Variants in HERC6 observed in about 807,000 individuals in gnomAD.
HERC6 encodes the protein HECT and RLD domain containing E3 ubiquitin protein ligase family member 6.
Under a neutral mutation model 114.5 loss-of-function variants are expected in HERC6, and 101 were observed. The observed-to-expected ratio is 0.88, with a 90% CI of 0.75 to 1.04. The LOEUF (loss-of-function observed/expected upper bound fraction) is 1.04, where lower values mean the gene tolerates loss of function less well. Ranked by LOEUF, HERC6 falls within the 50% of genes least tolerant of loss-of-function variation. HERC6 has a pLI of 0.00. For missense variants in HERC6, 1,133 were observed against 1,230.9 expected (o/e 0.92, Z 1.19); for synonymous variants, 408 against 436.2 (o/e 0.94, Z 0.81).
intron 22 of HERC6, chr4:88,440,753 A>T (rs551591619): frequency 6.6e-6 from 1 of 152,424 alleles, no homozygotes; most frequent in African/African-American, 2.4e-5. Context: ...TGCCCTTTCT[A>T]TTGGTGGAGC....
intron 4 of HERC6, among the ~76,000 whole-genome samples, chr4:88,392,185 T>A (rs1734959771): frequency 6.9e-6 from 1 of 144,492 alleles, no homozygotes; most frequent in Non-Finnish European, 1.5e-5. Context: ...TTCTTTTTTC[T>A]TTTCTTTTCT....
chr4:88,427,550 T>C (rs555203701), intron 15 of HERC6, among the ~76,000 whole-genome samples: 2 of 151,718 alleles, frequency 1.3e-5, no homozygotes, highest in African/African-American at 4.8e-5. Flanking sequence ...AAAAAAAAAA[T>C]CTTAAAGAAA....
chr4:88,429,026 C>T (rs535971604), intron 16 of HERC6, among the ~76,000 whole-genome samples: 45 of 152,374 alleles, frequency 3.0e-4, no homozygotes, highest in African/African-American at 1.1e-3. Context: ...ATTTATTTTA[C>T]AGATCTGCAG....
chr4:88,424,709 A>G lies in HERC6; in HGVS notation c.1935+7A>G, dbSNP rs1395449152. ...TTCACATATAAAGATGCAGGTATGT[A>G]TGTCCTATTTTTTAGTATGAAAAAT... is the stretch of plus-strand genomic sequence containing the variant. On this transcript the variant is annotated splice_region_variant and intron_variant, in intron 15 of 22. Coordinates refer to ENST00000264346, the MANE Select transcript of HERC6 (RefSeq NM_017912.4). The G allele has an allele frequency of 6.5e-7, 1 of 1,527,258 alleles. No homozygotes were observed. The highest frequency in any genetic ancestry group is 2.3e-5 in the East Asian group (1 of 44,326). 94.6% of individuals were successfully genotyped at this position (1,527,258 alleles called of 1,614,324 possible).
intron 1 of HERC6, among the ~76,000 whole-genome samples, chr4:88,381,922 A>G (rs1450169151): frequency 6.6e-6 from 1 of 152,102 alleles, no homozygotes; most frequent in Non-Finnish European, 1.5e-5. Flanking sequence ...ACTTTTAGGT[A>G]GATAAGAAGA....
chr4:88,384,020 T>TG (rs1734453634), intron 2 of HERC6, among the ~76,000 whole-genome samples: 1 of 152,044 alleles, frequency 6.6e-6, no homozygotes, highest in Admixed American at 6.6e-5. Flanking sequence ...CTGCAAAAGA[T>TG]ACAGATATAA....
intron 13 of HERC6, among the ~76,000 whole-genome samples, chr4:88,420,740 T>C (rs1414391120): frequency 6.6e-6 from 1 of 152,106 alleles, no homozygotes; most frequent in African/African-American, 2.4e-5. Flanking sequence ...GAGACCAGCC[T>C]GGGCAACATA....
In HERC6 at chr4:88,398,928, T is replaced by C. The variant is rs527288877; in HGVS notation, c.1092+719T>C. The C allele has an allele frequency of 2.8e-4, 42 of 152,334 alleles. 2 individuals are homozygous for C. Among genetic ancestry groups the C allele is most frequent in the African/African-American group, 1.0e-3 (42 of 41,572 alleles). 9.4% of individuals were successfully genotyped at this position (152,334 alleles called of 1,614,324 possible). A position where few individuals can be genotyped will look rare whatever the true frequency, so the allele number is the denominator to read the frequency against. On this transcript the variant is annotated intron_variant, in intron 8 of 22. Coordinates refer to ENST00000264346, the MANE Select transcript of HERC6 (RefSeq NM_017912.4). ...GAGGTGAATTTATGCAAAGTTGCAC[T>C]GTTAGTAAGTGGTAGAGCTGGATTC...
intron 7 of HERC6, 157 bp from the exon 8 acceptor site, chr4:88,397,985 A>G: frequency 3.7e-6 from 2 of 540,670 alleles, no homozygotes; most frequent in African/African-American, 2.0e-5. Flanking sequence ...GATGGGAGGG[A>G]AAAAAAGAAA....
At chr4:88,418,917 G>A (rs1388231805) in intron 13 of HERC6, among the ~76,000 whole-genome samples, 1 of 152,038 alleles carries the variant, frequency 6.6e-6, no homozygotes, top group Non-Finnish European at 1.5e-5. Flanking sequence ...AATAGAGATG[G>A]GGTTTCACCA....
rs570313105 is a variant in HERC6 at position 88,430,612 on chromosome 4, A to ATAAT, written c.2107-550_2107-549insTAAT. On this transcript the variant is annotated intron_variant, in intron 16 of 22. Transcript: ENST00000264346. ...AATAAATAAATAAATAAATAAATAAAAAGAGGGACTGGTTAATGCTGATTT... is the reference window on the plus strand; with the variant it reads ...AATAAATAAATAAATAAATAAATAAATAATAAGAGGGACTGGTTAATGCTGATTT... 2.0e-3 allele frequency among the ~76,000 whole-genome samples: 301 copies of ATAAT among 152,000 alleles called. 2 individuals carry two copies. The highest frequency in any genetic ancestry group is 6.7e-3 in the African/African-American group (278 of 41,438).
chr4:88,402,673 C>T (rs1417506329), intron 8 of HERC6, among the ~76,000 whole-genome samples: 2 of 151,922 alleles, frequency 1.3e-5, no homozygotes, highest in African/African-American at 2.4e-5. Context: ...AGCAAGGTGC[C>T]GAAGCTTTCA....
intron 17 of HERC6, among the ~76,000 whole-genome samples, 160 bp downstream of exon 17, chr4:88,431,465 G>A (rs566548426): frequency 4.9e-4 from 75 of 152,190 alleles, no homozygotes; most frequent in African/African-American, 1.6e-3. Context: ...CAGCTATGGC[G>A]TCACTTGGGG....
intron 13 of HERC6, among the ~76,000 whole-genome samples, chr4:88,418,725 G>T (rs1394205131): frequency 1.3e-5 from 2 of 151,874 alleles, no homozygotes; most frequent in Admixed American, 6.6e-5. Flanking sequence ...TGATTTTTTT[G>T]TTTGTTTGTT....
chr4:88,394,210 C>G (rs1468998393), intron 5 of HERC6, among the ~76,000 whole-genome samples: 2 of 152,106 alleles, frequency 1.3e-5, no homozygotes, highest in Non-Finnish European at 2.9e-5. Flanking sequence ...TGTGGTGGCT[C>G]ATGCCTATAA....
intron 20 of HERC6, among the ~76,000 whole-genome samples, 179 bp downstream of exon 20, chr4:88,437,960 G>C (rs558254439): frequency 2.0e-5 from 3 of 151,958 alleles, no homozygotes; most frequent in African/African-American, 7.2e-5. Context: ...CCAACATGGC[G>C]AAACCCCGTC....
intron 8 of HERC6, among the ~76,000 whole-genome samples, chr4:88,399,991 G>A (rs1432048765): frequency 6.6e-6 from 1 of 152,144 alleles, no homozygotes; most frequent in Non-Finnish European, 1.5e-5. Flanking sequence ...GCAAGAATGA[G>A]TTTGGTGTGT....
chr4:88,433,088 A>T (rs1738406854), intron 17 of HERC6, among the ~76,000 whole-genome samples: 1 of 152,186 alleles, frequency 6.6e-6, no homozygotes, highest in South Asian at 2.1e-4. Flanking sequence ...ACTCCATCTC[A>T]AAAAAGAAAA....
intron 2 of HERC6, 38 bp downstream of exon 2, chr4:88,383,418 A>T: frequency 7.7e-6 from 11 of 1,420,264 alleles, no homozygotes; most frequent in Non-Finnish European, 1.0e-5. Flanking sequence ...TATTCAATAT[A>T]TATAGTACCA....
Sources: gnomAD v4.1 joint callset for allele counts (sites outside exome capture counted in the v4.1 genomes callset) on GRCh38, gnomAD v4.1.1 for gene constraint, MANE v1.5 for transcripts, NCBI Gene and HGNC (gene_info 2026-07-23, HGNC 2026-07-21) for gene names.